Variants in PYGO1 observed in about 807,000 individuals in gnomAD.
The protein encoded by PYGO1 is pygopus family PHD finger 1.
PYGO1 carries 6 observed loss-of-function variants against 29.5 expected under a neutral mutation model. The ratio of observed to expected loss-of-function variants is 0.20; its 90% confidence interval spans 0.11 to 0.40. The LOEUF is 0.40. Ranked by LOEUF, PYGO1 falls within the 10% of genes least tolerant of loss-of-function variation. The pLI is 1.00. For missense variants in PYGO1, 515 were observed against 514.9 expected (o/e 1.00, Z 0.00); for synonymous variants, 186 against 180.5 (o/e 1.03, Z -0.24).
At chr15:55,579,265 GAA>G (rs2059016422) in intron 1 of PYGO1, among the ~76,000 whole-genome samples, 2 of 152,064 alleles carry the variant, frequency 1.3e-5, no homozygotes, top group Non-Finnish European at 2.9e-5. Context: ...CCTTGAATCT[GAA>G]TACCTTGAGA....
chr15:55,567,197 C>CTTTTTTTTTTTTTTTTTTTTTTTTT lies in PYGO1; in HGVS notation c.50-18227_50-18203dup, dbSNP rs71297645. On this transcript the variant is annotated intron_variant, in intron 1 of 2. Coordinates refer to ENST00000563719, the MANE Select transcript of PYGO1 (RefSeq NM_001367806.1). Reference sequence around the variant, plus strand: ...ATATCTGTTCCTGTCTTTTGCCCACCTTTTTTTTTTTTTTTTTTTTTTTTT... The same window carrying CTTTTTTTTTTTTTTTTTTTTTTTTT: ...ATATCTGTTCCTGTCTTTTGCCCACCTTTTTTTTTTTTTTTTTTTTTTTTTTTTTTTTTTTTTTTTTTTTTTTTTT... Among the ~76,000 whole-genome samples the CTTTTTTTTTTTTTTTTTTTTTTTTT allele has an allele frequency of 6.4e-5, 3 of 47,054 alleles. 1 individual carries two copies. Among genetic ancestry groups the CTTTTTTTTTTTTTTTTTTTTTTTTT allele is most frequent in the African/African-American group, 9.0e-5 (1 of 11,056 alleles). The allele number at this position is 47,054 out of a possible 152,430, so 30.9% of individuals were successfully genotyped here.
intron 1 of PYGO1, among the ~76,000 whole-genome samples, chr15:55,559,825 A>G (rs1567054133): frequency 6.6e-6 from 1 of 152,236 alleles, no homozygotes; most frequent in African/African-American, 2.4e-5. Context: ...CAGCACATCA[A>G]AAAGTTTACG....
At position 55,544,654 on chromosome 15, in the gene PYGO1, T is replaced by C. The variant is rs1314224764; in HGVS notation, c.*1369A>G. The C allele has an allele frequency of 1.3e-5, 2 of 152,220 alleles. No individual in the cohort carries two copies. Among genetic ancestry groups the C allele is most frequent in the East Asian group, 3.8e-4 (2 of 5,200 alleles). The allele number at this position is 152,220 out of a possible 1,614,324, so 9.4% of individuals were successfully genotyped here. A position where few individuals can be genotyped will look rare whatever the true frequency, so the allele number is the denominator to read the frequency against. ...GGGTTTAAATAACAGTAATTATTTATCTCTTTCGTAGATCACCACACAATC... is the reference window on the plus strand; with the variant it reads ...GGGTTTAAATAACAGTAATTATTTACCTCTTTCGTAGATCACCACACAATC... On this transcript the variant is annotated 3_prime_UTR_variant, in exon 3 of 3. Coordinates refer to ENST00000563719, the MANE Select transcript of PYGO1 (RefSeq NM_001367806.1).
At chr15:55,579,675 C>T (rs2059017996) in intron 1 of PYGO1, among the ~76,000 whole-genome samples, 1 of 152,116 alleles carries the variant, frequency 6.6e-6, no homozygotes, top group South Asian at 2.1e-4. Flanking sequence ...ACCACCACAT[C>T]CAGCCCACAG....
chr15:55,572,121 T>A (rs1047377991), intron 1 of PYGO1, among the ~76,000 whole-genome samples: 1 of 152,138 alleles, frequency 6.6e-6, no homozygotes, highest in Non-Finnish European at 1.5e-5. Context: ...GCCTAAGCAA[T>A]CTTGACAAAC....
chr15:55,544,891 A>G lies in PYGO1; in HGVS notation c.*1132T>C, dbSNP rs567103292. The G allele has an allele frequency of 6.6e-6, 1 of 151,806 alleles. No homozygotes were observed. The highest frequency in any genetic ancestry group is 2.4e-5 in the African/African-American group (1 of 41,420). 9.4% of individuals were successfully genotyped at this position (151,806 alleles called of 1,614,324 possible). A position where few individuals can be genotyped will look rare whatever the true frequency, so the allele number is the denominator to read the frequency against. ...TGTCTCCATTCTTGATCATCCCTCA[A>G]GAGGGTACTCTCAGGTCCATTTTTA... On this transcript the variant is annotated 3_prime_UTR_variant, in exon 3 of 3. Coordinates refer to ENST00000563719, the MANE Select transcript of PYGO1 (RefSeq NM_001367806.1).
At position 55,587,935 on chromosome 15, in the gene PYGO1, T is replaced by A; in HGVS notation, c.-52A>T. 1 of 1,454,282 alleles carries A rather than the reference T, an allele frequency of 6.9e-7. No individual in the cohort carries two copies. 90.1% of individuals were successfully genotyped at this position (1,454,282 alleles called of 1,614,324 possible). A position where few individuals can be genotyped will look rare whatever the true frequency, so the allele number is the denominator to read the frequency against. Reference sequence around the variant, plus strand: ...CCAGGCCGCGGGAATTCGGTCTCTTTGATGCTGCGGCGGCGGCTCCTCCTC... The same window carrying A: ...CCAGGCCGCGGGAATTCGGTCTCTTAGATGCTGCGGCGGCGGCTCCTCCTC... On this transcript the variant is annotated 5_prime_UTR_variant, in exon 1 of 3. Transcript: ENST00000563719.
At chr15:55,552,286 G>A (rs981359540) in intron 1 of PYGO1, among the ~76,000 whole-genome samples, 5 of 148,294 alleles carry the variant, frequency 3.4e-5, no homozygotes, top group African/African-American at 7.5e-5. Flanking sequence ...AGTCTGGGAC[G>A]CAGAGGTTCC....
intron 1 of PYGO1, among the ~76,000 whole-genome samples, chr15:55,569,377 T>A (rs967413639): frequency 6.6e-6 from 1 of 152,178 alleles, no homozygotes; most frequent in African/African-American, 2.4e-5. Context: ...TGATGTTAGA[T>A]CATTAATTTG....
Position 55,546,184 on chromosome 15 carries a change from A to G in PYGO1, c.1099T>C (p.Phe367Leu). Residue 367 changes from phenylalanine to leucine, a missense_variant, in exon 3 of 3, where the codon TTT (phenylalanine) becomes CTT (leucine). By Grantham distance (22) the Phe-to-Leu change is conservative. Coordinates refer to ENST00000563719, the MANE Select transcript of PYGO1 (RefSeq NM_001367806.1). Reference sequence around the variant, plus strand: ...GTCATTCCAGTACAGATCCGATGAAACCATTTCTGACAAGAGGCCTCACAT... The same window carrying G: ...GTCATTCCAGTACAGATCCGATGAAGCCATTTCTGACAAGAGGCCTCACAT... The part of the protein sequence containing the change: ...ILCEASCQKW[F>L]HRICTGMTET... 6.2e-7 allele frequency: 1 copy of G among 1,614,168 alleles called. No individual in the cohort carries two copies. Among genetic ancestry groups the G allele is most frequent in the East Asian group, 2.2e-5 (1 of 44,874 alleles).
Position 55,554,490 on chromosome 15 carries a change from A to G in PYGO1, c.50-5495T>C, listed in dbSNP as rs531487191. On this transcript the variant is annotated intron_variant, in intron 1 of 2. Coordinates refer to ENST00000563719, the MANE Select transcript of PYGO1 (RefSeq NM_001367806.1). ...TCTCAAAAAAAAAAAAAAAAAAAAA[A>G]AAAGAAAGAAAGAACTGGGCTGAGG... Among the ~76,000 whole-genome samples the G allele has an allele frequency of 2.4e-4, 35 of 146,642 alleles. 1 individual carries two copies. The East Asian group carries it at 5.2e-3, about 22-fold the overall frequency.
chr15:55,564,524 C>G (rs944715057), intron 1 of PYGO1, among the ~76,000 whole-genome samples: 1 of 152,186 alleles, frequency 6.6e-6, no homozygotes, highest in African/African-American at 2.4e-5. Context: ...CAGAGCTCCT[C>G]TGCTCCTAGT....
intron 2 of PYGO1, among the ~76,000 whole-genome samples, chr15:55,547,561 C>T (rs1005815078): frequency 6.6e-6 from 1 of 152,122 alleles, no homozygotes; most frequent in African/African-American, 2.4e-5. Context: ...AGTTAAATAA[C>T]AACAATCAGA....
At chr15:55,564,248 G>A (rs1402430989) in intron 1 of PYGO1, among the ~76,000 whole-genome samples, 1 of 152,172 alleles carries the variant, frequency 6.6e-6, no homozygotes, top group Non-Finnish European at 1.5e-5. Context: ...AAAAAGGAAT[G>A]AAGTACTGAT....
chr15:55,543,076 G>GTGTGTGTGTGTGTGTGTGT lies in PYGO1; in HGVS notation c.*2946_*2947insACACACACACACACACACA. On this transcript the variant is annotated 3_prime_UTR_variant, in exon 3 of 3. Coordinates refer to ENST00000563719, the MANE Select transcript of PYGO1 (RefSeq NM_001367806.1). ...CAAGGATGTTGGAGAAACTGTGGGG[G>GTGTGTGTGTGTGTGTGTGT]GTGTGTGTGTGTGTGTGTGTGTGTA... 6.7e-6 allele frequency: 1 copy of GTGTGTGTGTGTGTGTGTGT among 149,096 alleles called. No homozygotes were observed. The highest frequency in any genetic ancestry group is 2.0e-4 in the East Asian group (1 of 4,912). The allele number at this position is 149,096 out of a possible 1,614,324, so 9.2% of individuals were successfully genotyped here. A position where few individuals can be genotyped will look rare whatever the true frequency, so the allele number is the denominator to read the frequency against.
At chr15:55,588,847 G>T (rs151084609), upstream of PYGO1, 8 of 1,613,720 alleles carry the variant, frequency 5.0e-6, no homozygotes, top group African/African-American at 1.3e-5. Context: ...AGTTCTCGGC[G>T]GGCATGTGGG....
chr15:55,552,544 G>A (rs146295780), intron 1 of PYGO1, among the ~76,000 whole-genome samples: 34 of 151,878 alleles, frequency 2.2e-4, no homozygotes, highest in African/African-American at 7.0e-4. Flanking sequence ...GCAATCGCCC[G>A]CCCAGGAGCA....
At chr15:55,583,839 T>C (rs1208483121) in intron 1 of PYGO1, among the ~76,000 whole-genome samples, 1 of 152,044 alleles carries the variant, frequency 6.6e-6, no homozygotes, top group Non-Finnish European at 1.5e-5. Flanking sequence ...TGAAATGTGG[T>C]TTCCTCCTAA....
chr15:55,583,993 T>G (rs995486454), intron 1 of PYGO1, among the ~76,000 whole-genome samples: 1 of 152,232 alleles, frequency 6.6e-6, no homozygotes, highest in African/African-American at 2.4e-5. Context: ...CCCCAAAAGA[T>G]GTGTTCCTTT....
Sources: gnomAD v4.1 joint callset for allele counts (sites outside exome capture counted in the v4.1 genomes callset) on GRCh38, gnomAD v4.1.1 for gene constraint, MANE v1.5 for transcripts, NCBI Gene and HGNC (gene_info 2026-07-23, HGNC 2026-07-21) for gene names.